The following UST variants were observed in gnomAD, a reference collection of about 807,000 sequenced individuals.
UST encodes chondroitin sulfate 2-O-sulfotransferase.
Under a neutral mutation model 45.6 loss-of-function variants are expected in UST, and 21 were observed. The observed-to-expected ratio is 0.46, with a 90% confidence interval of 0.33 to 0.66. UST has a LOEUF of 0.66. UST is among the 30% of genes least tolerant of loss of function. The pLI is 0.02. For missense variants in UST, 463 were observed against 512.4 expected, an observed-to-expected ratio of 0.90 and a Z score of 0.93; for synonymous variants, 215 against 200.6, an observed-to-expected ratio of 1.07 and a Z score of -0.61.
intron 5 of UST, among the ~76,000 whole-genome samples, chr6:149,007,585 G>A (rs1775738817): frequency 6.8e-6 from 1 of 147,624 alleles, no homozygotes; most frequent in South Asian, 2.2e-4. Context: ...ACCGCGCCTG[G>A]CCTTTTTTTT....
At chr6:148,963,394 C>T (rs1057347110) in intron 4 of UST, among the ~76,000 whole-genome samples, 4 of 152,184 alleles carry the variant, frequency 2.6e-5, no homozygotes, top group Non-Finnish European at 5.9e-5. Flanking sequence ...TCTCCCCGAA[C>T]TCCTCAAGGC....
At chr6:148,953,155 A>G (rs1162963617) in intron 3 of UST, among the ~76,000 whole-genome samples, 2 of 152,194 alleles carry the variant, frequency 1.3e-5, no homozygotes, top group Non-Finnish European at 2.9e-5. Flanking sequence ...ATTTTATTCC[A>G]TTTTTAAATT....
At position 148,747,479 on chromosome 6, in the gene UST, C is replaced by CATGGGGCCCCT. The variant is rs1775888365; in HGVS notation, c.56_66dup (p.Gly23ProfsTer92). ...CGGCGGCGGCGCGGATCCCTGGCCC[C>CATGGGGCCCCT]ATGGGGCCCCTATGGGGGGCGCCCC... is the stretch of plus-strand genomic sequence containing the variant. On this transcript the variant is annotated frameshift_variant, in exon 1 of 8. Coordinates refer to ENST00000367463, the MANE Select transcript of UST (RefSeq NM_005715.3). LOFTEE classifies it high-confidence loss of function. The CATGGGGCCCCT allele has an allele frequency of 1.3e-6, 2 of 1,489,668 alleles. No individual in the cohort carries two copies. 92.3% of individuals were successfully genotyped at this position (1,489,668 alleles called of 1,614,324 possible). A position where few individuals can be genotyped will look rare whatever the true frequency, so the allele number is the denominator to read the frequency against.
intron 5 of UST, chr6:148,993,074 T>C: frequency 9.1e-6 from 9 of 985,420 alleles, no homozygotes; most frequent in Non-Finnish European, 1.1e-5. Flanking sequence ...GAGGTGACAT[T>C]TGTTTCTTAG....
intron 7 of UST, among the ~76,000 whole-genome samples, chr6:149,058,373 GTGTGTGTGTGTGTGTA>G (rs1442596243): frequency 6.6e-6 from 1 of 150,630 alleles, no homozygotes; most frequent in African/African-American, 2.5e-5. Context: ...GTGTGTGTGT[GTGTGTGTGTGTGTGTA>G]TGTGCGCGCG....
chr6:148,883,004 T>C (rs886385778), intron 1 of UST, among the ~76,000 whole-genome samples: 1 of 152,236 alleles, frequency 6.6e-6, no homozygotes, highest in African/African-American at 2.4e-5. Context: ...CATCTCTTCT[T>C]ACCATGCTGA....
chr6:149,072,788 T>C (rs1293348392), intron 7 of UST, among the ~76,000 whole-genome samples: 5 of 152,000 alleles, frequency 3.3e-5, no homozygotes, highest in South Asian at 2.1e-4. Flanking sequence ...GTACTGAGAA[T>C]AGGCAAATTC....
At chr6:148,789,901 AATATT>A (rs1247798437) in intron 1 of UST, among the ~76,000 whole-genome samples, 1 of 152,112 alleles carries the variant, frequency 6.6e-6, no homozygotes, top group Non-Finnish European at 1.5e-5. Context: ...CCTGGCCAAA[AATATT>A]TTCATAATGA....
chr6:148,980,745 A>T (rs187327060), intron 5 of UST, among the ~76,000 whole-genome samples: 4 of 151,850 alleles, frequency 2.6e-5, no homozygotes, highest in Non-Finnish European at 4.4e-5. Context: ...TTGAGACAGG[A>T]TCTTCCTCTG....
Position 149,060,736 on chromosome 6 carries a change from G to A in UST, c.938-13097G>A, listed in dbSNP as rs1210697927. Among the ~76,000 whole-genome samples the A allele has an allele frequency of 2.6e-5, 4 of 152,136 alleles. No individual in the cohort carries two copies. The East Asian group carries it at 7.7e-4, about 29-fold the overall frequency. On this transcript the variant is annotated intron_variant, in intron 7 of 7. Transcript: ENST00000367463. Reference sequence around the variant, plus strand: ...GCCTGAGAAAGTGTGCTTTATCCCCGTGTGCTGGGAATCTCTGGCTGTAAT... The same window carrying A: ...GCCTGAGAAAGTGTGCTTTATCCCCATGTGCTGGGAATCTCTGGCTGTAAT...
rs1776880514 is a variant in UST, at chr6:149,075,669, A to C, written c.*1553A>C. 1 of 152,170 alleles carries C rather than the reference A, an allele frequency of 6.6e-6. No homozygotes were observed. The allele number at this position is 152,170 out of a possible 1,614,324, so 9.4% of individuals were successfully genotyped here. A position where few individuals can be genotyped will look rare whatever the true frequency, so the allele number is the denominator to read the frequency against. ...ATTTTCACCTTAAAAAAAATGCTGA[A>C]AATACACATTCTCCTGGGAAGACGA... On this transcript the variant is annotated 3_prime_UTR_variant, in exon 8 of 8. Transcript: ENST00000367463.
intron 2 of UST, among the ~76,000 whole-genome samples, chr6:148,901,379 T>C (rs140160799): frequency 6.6e-6 from 1 of 152,322 alleles, no homozygotes; most frequent in Non-Finnish European, 1.5e-5. Flanking sequence ...TTCGAGTTTA[T>C]TTCTTGCTTG....
intron 1 of UST, among the ~76,000 whole-genome samples, chr6:148,783,435 G>A (rs190610931): frequency 6.6e-6 from 1 of 152,270 alleles, no homozygotes; most frequent in South Asian, 2.1e-4. Context: ...GACTAACAGA[G>A]CTCAAGTTTT....
chr6:149,049,060 G>A (rs1441474710), intron 7 of UST, among the ~76,000 whole-genome samples: 1 of 152,044 alleles, frequency 6.6e-6, no homozygotes, highest in East Asian at 1.9e-4. Context: ...ATATATAGCT[G>A]TCAAAACTCA....
intron 1 of UST, among the ~76,000 whole-genome samples, chr6:148,826,104 A>C (rs1162124472): frequency 1.3e-5 from 2 of 152,122 alleles, no homozygotes; most frequent in East Asian, 3.8e-4. Flanking sequence ...AGTTCTGTCT[A>C]AGAGCATCCT....
At chr6:148,982,583 A>G (rs1781160901) in intron 5 of UST, among the ~76,000 whole-genome samples, 1 of 152,168 alleles carries the variant, frequency 6.6e-6, no homozygotes, top group Non-Finnish European at 1.5e-5. Context: ...TGCTTGTTCA[A>G]TCTTACAGTT....
chr6:149,037,629 C>T (rs756205541), intron 7 of UST, among the ~76,000 whole-genome samples: 1 of 152,196 alleles, frequency 6.6e-6, no homozygotes, highest in Non-Finnish European at 1.5e-5. Context: ...AGCCAAGCAC[C>T]GCGACTCAAA....
chr6:148,960,511 A>C (rs886517159), intron 4 of UST, among the ~76,000 whole-genome samples: 3 of 152,232 alleles, frequency 2.0e-5, no homozygotes, highest in Non-Finnish European at 2.9e-5. Flanking sequence ...CAGAGGCTAA[A>C]AAGGAGGTAG....
intron 2 of UST, among the ~76,000 whole-genome samples, chr6:148,940,386 C>T (rs143626623): frequency 4.1e-4 from 62 of 151,854 alleles, no homozygotes; most frequent in African/African-American, 1.4e-3. Flanking sequence ...CCCAGCTACT[C>T]GGGAAGCTAA....
Sources: gnomAD v4.1 joint callset for allele counts (sites outside exome capture counted in the v4.1 genomes callset) on GRCh38, gnomAD v4.1.1 for gene constraint, MANE v1.5 for transcripts, NCBI Gene and HGNC (gene_info 2026-07-23, HGNC 2026-07-21) for gene names.